ATP2C2: variants seen among roughly 807,000 people sequenced by gnomAD.
ATP2C2 encodes ATPase secretory pathway Ca2+ transporting 2.
A neutral mutation model predicts 110.8 loss-of-function variants in ATP2C2; 171 were observed. That is an observed-to-expected ratio of 1.54 (90% CI 1.36 to 1.75). The LOEUF (loss-of-function observed/expected upper bound fraction) is 1.75, where lower values mean the gene tolerates loss of function less well. Ranked by LOEUF, ATP2C2 falls within the 40% of genes most tolerant of loss-of-function variation. The probability of loss-of-function intolerance (pLI) is 0.00; values close to 1 mark genes in which losing one functional copy is unlikely to be tolerated. For synonymous variants in ATP2C2, 804 were observed against 508.4 expected, an observed-to-expected ratio of 1.58 and a Z score of -7.82; for missense variants, 1,963 against 1,235.0, an observed-to-expected ratio of 1.59 and a Z score of -8.84.
At chr16:84,384,875 C>A (rs572424395) in intron 1 of ATP2C2, among the ~76,000 whole-genome samples, 3 of 152,246 alleles carry the variant, frequency 2.0e-5, no homozygotes, top group South Asian at 2.1e-4. Flanking sequence ...CATGGTGAAA[C>A]CTGGTCTCTA....
At chr16:84,442,760 G>A (rs890812248) in intron 15 of ATP2C2, among the ~76,000 whole-genome samples, 161 bp downstream of exon 15, 1 of 151,888 alleles carries the variant, frequency 6.6e-6, no homozygotes, top group African/African-American at 2.4e-5. Flanking sequence ...GGTGGTGGAG[G>A]AGGTGAGCTC....
rs34143321 is a variant in ATP2C2, at chr16:84,373,119, C to CAA, written c.99+4420_99+4421dup. 3.7e-3 allele frequency among the ~76,000 whole-genome samples: 389 copies of CAA among 103,858 alleles called. 1 individual carries two copies. Among genetic ancestry groups the CAA allele is most frequent in the Middle Eastern group, 0.011 (2 of 182 alleles). The allele number at this position is 103,858 out of a possible 152,430, so 68.1% of individuals were successfully genotyped here. Reference sequence around the variant, plus strand: ...TGGAAGACAGAGCGAGACTCCCTCTCAAAAAAAAAAAAAAAAGTCAAATTT... The same window carrying CAA: ...TGGAAGACAGAGCGAGACTCCCTCTCAAAAAAAAAAAAAAAAAAGTCAAATTT... On this transcript the variant is annotated intron_variant, in intron 1 of 26. Transcript: ENST00000262429.
At chr16:84,388,565 A>G (rs531412014) in intron 1 of ATP2C2, among the ~76,000 whole-genome samples, 2 of 152,116 alleles carry the variant, frequency 1.3e-5, no homozygotes, top group African/African-American at 2.4e-5. Flanking sequence ...GCCTTGGGAG[A>G]GAAGGATAGA....
At chr16:84,382,490 C>A (rs762959858) in intron 1 of ATP2C2, among the ~76,000 whole-genome samples, 73 of 152,342 alleles carry the variant, frequency 4.8e-4, no homozygotes, top group South Asian at 8.3e-4. Flanking sequence ...TTTGCCATCT[C>A]TCAGGGTCAG....
intron 1 of ATP2C2, among the ~76,000 whole-genome samples, chr16:84,396,711 G>C (rs1905006226): frequency 6.6e-6 from 1 of 151,842 alleles, no homozygotes; most frequent in South Asian, 2.1e-4. Context: ...GGTACGACGG[G>C]AGCAGATCTT....
chr16:84,432,271 T>A (rs1908347084), intron 11 of ATP2C2, among the ~76,000 whole-genome samples: 1 of 152,156 alleles, frequency 6.6e-6, no homozygotes, highest in African/African-American at 2.4e-5. Context: ...GTTTGCTTTT[T>A]TATTTTTAAA....
intron 4 of ATP2C2, among the ~76,000 whole-genome samples, chr16:84,410,089 G>T (rs184642347): frequency 6.6e-6 from 1 of 152,164 alleles, no homozygotes; most frequent in Admixed American, 6.5e-5. Flanking sequence ...TGTGCCTGTG[G>T]TCCCAGCTAC....
intron 11 of ATP2C2, among the ~76,000 whole-genome samples, chr16:84,429,987 CT>C (rs1422615327): frequency 2.0e-5 from 3 of 152,184 alleles, no homozygotes; most frequent in African/African-American, 7.2e-5. Context: ...TAGTCTCTGT[CT>C]GTCACATGGT....
chr16:84,388,413 C>G (rs1307925376), intron 1 of ATP2C2, among the ~76,000 whole-genome samples: 1 of 152,222 alleles, frequency 6.6e-6, no homozygotes, highest in Non-Finnish European at 1.5e-5. Flanking sequence ...GACTGTCTGC[C>G]CACCCCTAGG....
In ATP2C2 at chr16:84,414,775, A is replaced by G. The variant is rs1254691669; in HGVS notation, c.516-708A>G. 2.0e-5 allele frequency among the ~76,000 whole-genome samples: 3 copies of G among 152,088 alleles called. No homozygotes were observed. The East Asian group carries it at 5.8e-4, about 29-fold the overall frequency. On this transcript the variant is annotated intron_variant, in intron 6 of 26. Coordinates refer to ENST00000262429, the MANE Select transcript of ATP2C2 (RefSeq NM_014861.4). ...GTTTAAGGGGGCTGGATGGAATGAG[A>G]TGGGAGCTGCAGGAGGCTGGCTGGC...
chr16:84,462,182 C>A, intron 26 of ATP2C2, 53 bp downstream of exon 26: 2 of 1,575,726 alleles, frequency 1.3e-6, no homozygotes, highest in South Asian at 1.2e-5. Flanking sequence ...CCATGGGGGG[C>A]GGCAGCTGCC....
chr16:84,414,120 G>A (rs1050084535), intron 6 of ATP2C2, among the ~76,000 whole-genome samples: 1 of 152,200 alleles, frequency 6.6e-6, no homozygotes, highest in Non-Finnish European at 1.5e-5. Flanking sequence ...TAGAGAGGAG[G>A]TGACATTTAA....
chr16:84,412,402 CTGTGCATGTGTCTGTGTA>C (rs1906424365), intron 6 of ATP2C2, among the ~76,000 whole-genome samples: 2 of 124,514 alleles, frequency 1.6e-5, no homozygotes, highest in African/African-American at 3.1e-5. Context: ...CTGTGTGTGT[CTGTGCATGTGTCTGTGTA>C]TGTGTGTGCG....
rs2150595163 is a variant in ATP2C2 at position 84,459,324 on chromosome 16, C to T, written c.2271C>T (p.Ser757=). ...ITLSTVFNLP[S]PLNAMQILWI... is the part of the protein sequence containing the mutation. ...TGTCCACCGTGTTCAACCTGCCCAGCCCCCTCAACGCCATGCAGATCCTAT... is the reference window on the plus strand; with the variant it reads ...TGTCCACCGTGTTCAACCTGCCCAGTCCCCTCAACGCCATGCAGATCCTAT... Residue 757 remains serine, a synonymous_variant, in exon 23 of 27, where the codon AGC becomes AGT. Transcript: ENST00000262429. The T allele has an allele frequency of 1.2e-6, 2 of 1,614,210 alleles. No individual in the cohort carries two copies. The highest frequency in any genetic ancestry group is 1.7e-6 in the Non-Finnish European group (2 of 1,180,044).
intron 2 of ATP2C2, among the ~76,000 whole-genome samples, chr16:84,399,137 A>G (rs1287252751): frequency 6.6e-6 from 1 of 152,110 alleles, no homozygotes. Flanking sequence ...ATTGCACACA[A>G]GTGTGTGTGT....
intron 1 of ATP2C2, among the ~76,000 whole-genome samples, chr16:84,392,071 G>T (rs138504220): frequency 3.3e-5 from 5 of 150,678 alleles, no homozygotes; most frequent in South Asian, 4.2e-4. Flanking sequence ...TTTGTATTTT[G>T]TATTGGAGAA....
chr16:84,460,522 G>A (rs1465445506), intron 23 of ATP2C2, 132 bp from the exon 24 acceptor site: 6 of 1,285,476 alleles, frequency 4.7e-6, no homozygotes, highest in Non-Finnish European at 6.7e-6. Flanking sequence ...TGCGATGCCT[G>A]GGGGCGTTCA....
rs780004695 is a variant in ATP2C2 at position 84,454,869 on chromosome 16, G to A, written c.2032G>A (p.Asp678Asn). ...GGCCATGACTGGGGATGGGGTGAACGACGCAGTGGCCCTGAAGTCTGCAGA... is the reference window on the plus strand; with the variant it reads ...GGCCATGACTGGGGATGGGGTGAACAACGCAGTGGCCCTGAAGTCTGCAGA... ...IVAMTGDGVN[D>N]AVALKSADIG... The change falls in exon 21 of 27, where the codon GAC (aspartate) becomes AAC (asparagine). Residue 678 changes from aspartate (D) to asparagine (N), a missense_variant. Physicochemically the swap from Asp to Asn is conservative, Grantham distance 23 (BLOSUM62 1). Transcript: ENST00000262429. 1.1e-5 allele frequency: 17 copies of A among 1,613,618 alleles called. No homozygotes were observed. The highest frequency in any genetic ancestry group is 1.6e-4 in the Middle Eastern group (1 of 6,080).
At chr16:84,449,430 G>A (rs1910055138) in intron 17 of ATP2C2, among the ~76,000 whole-genome samples, 1 of 152,204 alleles carries the variant, frequency 6.6e-6, no homozygotes, top group Admixed American at 6.5e-5. Flanking sequence ...CCCCCAAATG[G>A]TTTGTGTTGC....
Sources: gnomAD v4.1 joint callset for allele counts (sites outside exome capture counted in the v4.1 genomes callset) on GRCh38, gnomAD v4.1.1 for gene constraint, MANE v1.5 for transcripts, NCBI Gene and HGNC (gene_info 2026-07-23, HGNC 2026-07-21) for gene names.